Variants in NEURL1 observed in about 807,000 individuals in gnomAD.
The protein encoded by NEURL1 is neuralized E3 ubiquitin protein ligase 1, also known as E3 ubiquitin-protein ligase NEURL1.
Under a neutral mutation model 41.2 loss-of-function variants are expected in NEURL1, and 26 were observed. The ratio of observed to expected loss-of-function variants is 0.63; its 90% CI spans 0.46 to 0.87. NEURL1 has a LOEUF of 0.87. NEURL1 is among the 40% of genes least tolerant of loss of function. NEURL1 has a pLI of 0.00. For missense variants in NEURL1, 761 were observed against 871.1 expected (o/e 0.87, Z 1.59); for synonymous variants, 400 against 402.3 (o/e 0.99, Z 0.07).
chr10:103,585,233 C>G lies in NEURL1; in HGVS notation c.1339+8C>G, dbSNP rs1440739364. ...CGCAGATCCGCATCCTCGGTGAGTG[C>G]CCGCAGCTGCGCCTGGGCGTATGCC... On this transcript the variant is annotated splice_region_variant and intron_variant, in intron 4 of 5. Coordinates refer to ENST00000369780, the MANE Select transcript of NEURL1 (RefSeq NM_004210.5). 1.3e-6 allele frequency: 2 copies of G among 1,504,574 alleles called. No individual in the cohort carries two copies. Among genetic ancestry groups the G allele is most frequent in the African/African-American group, 1.4e-5 (1 of 71,004 alleles). 93.2% of individuals were successfully genotyped at this position (1,504,574 alleles called of 1,614,324 possible). A position where few individuals can be genotyped will look rare whatever the true frequency, so the allele number is the denominator to read the frequency against.
chr10:103,501,868 A>G (rs2033833502), intron 1 of NEURL1, among the ~76,000 whole-genome samples: 1 of 152,058 alleles, frequency 6.6e-6, no homozygotes, highest in Non-Finnish European at 1.5e-5. Context: ...ACCTGACCTC[A>G]GGAGGTCTGC....
chr10:103,555,244 G>T (rs2035122964), intron 1 of NEURL1: 1 of 927,946 alleles, frequency 1.1e-6, no homozygotes, highest in South Asian at 4.2e-5. Flanking sequence ...GGGCGCGGGA[G>T]GGGCCTCGGC....
At chr10:103,570,788 C>T in intron 1 of NEURL1, 84 bp from the exon 2 acceptor site, 2 of 1,542,598 alleles carry the variant, frequency 1.3e-6, no homozygotes, top group Non-Finnish European at 8.7e-7. Context: ...CTGGTCATGC[C>T]CAGCCTCTGC....
chr10:103,561,789 C>T (rs1221058007), intron 1 of NEURL1, among the ~76,000 whole-genome samples: 3 of 152,168 alleles, frequency 2.0e-5, no homozygotes, highest in Non-Finnish European at 4.4e-5. Flanking sequence ...AAGAATCAAC[C>T]CTCATGGCCT....
In NEURL1 at chr10:103,562,061, G is replaced by A. The variant is rs924894852; in HGVS notation, c.86-8811G>A. ...TTTTATTGAGGACCTGCTATATGCT[G>A]TGAACTAGGCTATAGGGATACAGTA... On this transcript the variant is annotated intron_variant, in intron 1 of 5. Coordinates refer to ENST00000369780, the MANE Select transcript of NEURL1 (RefSeq NM_004210.5). Among the ~76,000 whole-genome samples the A allele has an allele frequency of 5.3e-5, 8 of 152,222 alleles. No homozygotes were observed. In the East Asian group the frequency reaches 5.8e-4, roughly 11 times the overall value.
chr10:103,530,159 CA>C (rs2034540481), intron 1 of NEURL1, among the ~76,000 whole-genome samples: 1 of 151,824 alleles, frequency 6.6e-6, no homozygotes, highest in Non-Finnish European at 1.5e-5. Context: ...CTTTTTTTGT[CA>C]ATCTTTTGTG....
intron 4 of NEURL1, among the ~76,000 whole-genome samples, chr10:103,588,425 T>C (rs1422459166): frequency 6.6e-6 from 1 of 151,910 alleles, no homozygotes; most frequent in Non-Finnish European, 1.5e-5. Flanking sequence ...GTAGTGCATG[T>C]GTGTGTGTAC....
rs142935211 is a variant in NEURL1 at position 103,549,146 on chromosome 10, C to T, written c.86-21726C>T. The T allele has an allele frequency of 5.4e-3, 826 of 152,594 alleles. 6 individuals carry two copies. The highest frequency in any genetic ancestry group is 0.019 in the African/African-American group (771 of 41,580). 9.5% of individuals were successfully genotyped at this position (152,594 alleles called of 1,614,324 possible). ...CCCTGAGGCCTGGAACTGGGGAGCA[C>T]GAGCAGGTGTGTTTGTGTCTTGGAG... On this transcript the variant is annotated intron_variant, in intron 1 of 5. Transcript: ENST00000369780.
chr10:103,577,663 C>T (rs2035694180), intron 3 of NEURL1: 1 of 152,260 alleles, frequency 6.6e-6, no homozygotes, highest in Non-Finnish European at 1.5e-5. Flanking sequence ...GTCGAGCTTA[C>T]AAGAGCTCAA....
chr10:103,503,271 T>C (rs1475565029), intron 1 of NEURL1, among the ~76,000 whole-genome samples: 1 of 152,168 alleles, frequency 6.6e-6, no homozygotes, highest in Non-Finnish European at 1.5e-5. Flanking sequence ...AAAAGATGCT[T>C]ATCAGGAGTC....
At chr10:103,515,771 T>A (rs1168085747) in intron 1 of NEURL1, among the ~76,000 whole-genome samples, 1 of 152,218 alleles carries the variant, frequency 6.6e-6, no homozygotes, top group Non-Finnish European at 1.5e-5. Context: ...TTAGATTTGC[T>A]TTTTGGAAAG....
intron 1 of NEURL1, among the ~76,000 whole-genome samples, chr10:103,532,590 A>G (rs1266060822): frequency 6.6e-6 from 1 of 152,138 alleles, no homozygotes; most frequent in African/African-American, 2.4e-5. Context: ...GTATCATCCC[A>G]TTCTCTACTG....
At chr10:103,527,123 C>T (rs2034476768) in intron 1 of NEURL1, among the ~76,000 whole-genome samples, 1 of 152,018 alleles carries the variant, frequency 6.6e-6, no homozygotes, top group African/African-American at 2.4e-5. Flanking sequence ...CTGAGAGTTC[C>T]TCCTCCCTTT....
chr10:103,503,518 G>A (rs920520314), intron 1 of NEURL1, among the ~76,000 whole-genome samples: 1 of 152,102 alleles, frequency 6.6e-6, no homozygotes, highest in Non-Finnish European at 1.5e-5. Context: ...TGGGGTTTGT[G>A]GGATGCACTG....
intron 5 of NEURL1, among the ~76,000 whole-genome samples, chr10:103,589,915 C>G (rs35967303): frequency 1.3e-5 from 2 of 152,218 alleles, no homozygotes; most frequent in African/African-American, 4.8e-5. Flanking sequence ...TCACTGCCTC[C>G]TAGCCACTCT....
Position 103,494,415 on chromosome 10 carries a change from T to C in NEURL1, c.28T>C (p.Ser10Pro), listed in dbSNP as rs774773793. 28 of 1,598,202 alleles carry C rather than the reference T, an allele frequency of 1.8e-5. No homozygotes were observed. The highest frequency in any genetic ancestry group is 2.2e-5 in the Non-Finnish European group (26 of 1,173,134). The change falls in exon 1 of 6, where the codon TCG (serine) becomes CCG (proline). Residue 10 changes from serine to proline, a missense_variant. Physicochemically the swap from Ser to Pro is moderately conservative, Grantham distance 74. Transcript: ENST00000369780. MGNNFSSIP[S>P]LPRGNPSRAP... ...GGGTAACAACTTCTCCAGTATCCCCTCGCTGCCCCGAGGAAACCCGAGCCG... is the reference window on the plus strand; with the variant it reads ...GGGTAACAACTTCTCCAGTATCCCCCCGCTGCCCCGAGGAAACCCGAGCCG...
At chr10:103,555,776 G>T (rs2035139791) in intron 1 of NEURL1, among the ~76,000 whole-genome samples, 1 of 152,194 alleles carries the variant, frequency 6.6e-6, no homozygotes, top group Non-Finnish European at 1.5e-5. Context: ...CGAGGTCCTG[G>T]GTTTCCCTAC....
At chr10:103,512,603 C>G (rs1360307364) in intron 1 of NEURL1, among the ~76,000 whole-genome samples, 1 of 152,118 alleles carries the variant, frequency 6.6e-6, no homozygotes, top group Non-Finnish European at 1.5e-5. Context: ...TCAAGACCAG[C>G]CTGGGTGACA....
rs1020742965 is a variant in NEURL1, at chr10:103,508,394, C to T, written c.85+13922C>T. On this transcript the variant is annotated intron_variant, in intron 1 of 5. Transcript: ENST00000369780. The surrounding 1 kb of genome is among the most constrained non-coding windows in gnomAD (Gnocchi z 4.3). Reference sequence around the variant, plus strand: ...GCATTAGGGTGACATCCATTTGCGACTCTCATCCTCAGGATACAGCTAGGA... The same window carrying T: ...GCATTAGGGTGACATCCATTTGCGATTCTCATCCTCAGGATACAGCTAGGA... 6.6e-6 allele frequency among the ~76,000 whole-genome samples: 1 copy of T among 152,208 alleles called. No homozygotes were observed. Among genetic ancestry groups the T allele is most frequent in the Non-Finnish European group, 1.5e-5 (1 of 68,040 alleles).
Sources: gnomAD v4.1 joint callset for allele counts (sites outside exome capture counted in the v4.1 genomes callset) on GRCh38, gnomAD v4.1.1 for gene constraint, Gnocchi (gnomAD v3.1) non-coding constraint, MANE v1.5 for transcripts, NCBI Gene and HGNC (gene_info 2026-07-23, HGNC 2026-07-21) for gene names.